The following DMD variants were observed in gnomAD, a reference collection of about 807,000 sequenced individuals.
DMD encodes the protein mutant dystrophin.
DMD carries 63 observed loss-of-function variants against 330.1 expected under a neutral mutation model. That is an observed-to-expected ratio of 0.19 (90% CI 0.16 to 0.24). The LOEUF is 0.24. Among genes scored for constraint, DMD ranks in the 10% least tolerant of loss-of-function variants. The probability of loss-of-function intolerance (pLI) is 1.00; values close to 1 mark genes in which losing one functional copy is unlikely to be tolerated. For missense variants in DMD, 3,344 were observed against 2,684.1 expected, an observed-to-expected ratio of 1.25 and a Z score of -5.43; for synonymous variants, 1,223 against 959.8, an observed-to-expected ratio of 1.27 and a Z score of -5.07.
intron 50 of DMD, among the ~76,000 whole-genome samples, chrX:31,782,488 GTCA>G (rs1487620670): frequency 9.1e-6 from 1 of 110,343 alleles, no homozygotes; most frequent in Non-Finnish European, 1.9e-5. Context: ...GCCACATGTG[GTCA>G]TCAACTACCA....
intron 63 of DMD, among the ~76,000 whole-genome samples, chrX:31,251,043 C>T (rs2049303409): frequency 9.1e-6 from 1 of 109,448 alleles, no homozygotes; most frequent in Admixed American, 9.8e-5. Context: ...AATCGCACCA[C>T]TGCACTCCAG....
At chrX:32,068,134 G>T (rs955445309) in intron 44 of DMD, among the ~76,000 whole-genome samples, 1 of 110,952 alleles carries the variant, frequency 9.0e-6, no homozygotes, top group South Asian at 3.7e-4. Context: ...CATGTTTATT[G>T]GCTGCGTGTA....
intron 41 of DMD, among the ~76,000 whole-genome samples, chrX:32,324,806 C>A (rs1367021430): frequency 8.9e-6 from 1 of 111,810 alleles, no homozygotes; most frequent in Admixed American, 9.5e-5. Flanking sequence ...TAAATTTAAT[C>A]CGTATTTTGT....
At chrX:31,992,448 A>G (rs1353100372) in intron 44 of DMD, among the ~76,000 whole-genome samples, 2 of 111,817 alleles carry the variant, frequency 1.8e-5, no homozygotes, top group Non-Finnish European at 1.9e-5. Flanking sequence ...GCACTAGATG[A>G]TGATGCTACG....
chrX:32,201,186 G>C, intron 44 of DMD, among the ~76,000 whole-genome samples: 1 of 111,965 alleles, frequency 8.9e-6, no homozygotes, highest in East Asian at 2.8e-4. Context: ...TAAATTTGGC[G>C]CAGTTAAGAG....
At chrX:32,304,933 A>T (rs922177818) in intron 42 of DMD, among the ~76,000 whole-genome samples, 9 of 111,625 alleles carry the variant, frequency 8.1e-5, no homozygotes, top group African/African-American at 2.9e-4. Flanking sequence ...TTCAAAAAGC[A>T]TTTGCAAACA....
At position 31,478,301 on chromosome X, in the gene DMD, C is replaced by T. The variant is rs372795781; in HGVS notation, c.8742G>A (p.Glu2914=). 9.1e-6 allele frequency: 11 copies of T among 1,209,561 alleles called. No individual in the cohort carries two copies. In the African/African-American group the frequency reaches 1.6e-4, roughly 17 times the overall value. The change falls in exon 59 of 79, where the codon GAG becomes GAA. Residue 2914 remains glutamate, a synonymous_variant. Coordinates refer to ENST00000357033, the MANE Select transcript of DMD (RefSeq NM_004006.3). ...LRKQAEEVNT[E]WEKLNLHSAD... is the part of the protein sequence containing the mutation. ...CGGAGTGCAGGTTCAATTTTTCCCA[C>T]TCAGTATTGACCTCCTCAGCCTGCT...
At chrX:33,308,314 G>A (rs1221698672) in intron 1 of DMD, among the ~76,000 whole-genome samples, 1 of 112,109 alleles carries the variant, frequency 8.9e-6, no homozygotes, top group Non-Finnish European at 1.9e-5. Flanking sequence ...ATTTTCCCAA[G>A]AAAGATTGCA....
chrX:32,485,617 A>G (rs922035819), intron 20 of DMD, among the ~76,000 whole-genome samples: 1 of 108,962 alleles, frequency 9.2e-6, no homozygotes, highest in Non-Finnish European at 1.9e-5. Context: ...ACACACATAT[A>G]AAATCTATAT....
At position 33,268,558 on chromosome X, in the gene DMD, A is replaced by G. The variant is rs2053089721; in HGVS notation, c.7+70701T>C. Reference sequence around the variant, plus strand: ...AACATACGAAGAAATGCTCATCATCATTAATCATCAGAGAAATGAAAAGCA... The same window carrying G: ...AACATACGAAGAAATGCTCATCATCGTTAATCATCAGAGAAATGAAAAGCA... On this transcript the variant is annotated intron_variant, in intron 1 of 17. Coordinates refer to the DMD transcript ENST00000288447. Among the ~76,000 whole-genome samples, 3 of 112,086 alleles carry G rather than the reference A, an allele frequency of 2.7e-5. No individual in the cohort carries two copies. The Admixed American group carries it at 2.9e-4, about 11-fold the overall frequency.
chrX:32,716,835 G>T (rs779946761), intron 7 of DMD, among the ~76,000 whole-genome samples: 110 of 111,753 alleles, frequency 9.8e-4, no homozygotes, highest in Non-Finnish European at 1.2e-3. Flanking sequence ...TTAACAAAAA[G>T]AGATTGGCAG....
At chrX:31,258,103 C>T in intron 63 of DMD, among the ~76,000 whole-genome samples, 1 of 112,350 alleles carries the variant, frequency 8.9e-6, no homozygotes, top group East Asian at 2.8e-4. Flanking sequence ...CTATCAATTC[C>T]TATATACGTG....
intron 1 of DMD, among the ~76,000 whole-genome samples, chrX:33,097,566 T>C (rs182079590): frequency 2.1e-4 from 23 of 109,520 alleles, no homozygotes; most frequent in African/African-American, 6.9e-4. Flanking sequence ...TTTACTGTCT[T>C]CTAACGATGT....
At chrX:32,516,138 C>A (rs1455088795) in intron 18 of DMD, among the ~76,000 whole-genome samples, 1 of 110,821 alleles carries the variant, frequency 9.0e-6, no homozygotes, top group Non-Finnish European at 1.9e-5. Context: ...ATGACACGAG[C>A]CTGCCATGAG....
chrX:33,169,921 ATC>A (rs1429264125), intron 1 of DMD, among the ~76,000 whole-genome samples: 2 of 110,610 alleles, frequency 1.8e-5, no homozygotes, highest in Non-Finnish European at 3.8e-5. Context: ...ACAGAGGAAA[ATC>A]TCTGAATAGA....
At chrX:32,348,639 AT>A (rs2097771957) in intron 37 of DMD, 111 bp from the exon 38 acceptor site, 1 of 675,840 alleles carries the variant, frequency 1.5e-6, no homozygotes. Context: ...CACATGCATT[AT>A]GTTTCCATAT....
chrX:32,371,866 G>A (rs1397210251), intron 34 of DMD, among the ~76,000 whole-genome samples: 2 of 111,305 alleles, frequency 1.8e-5, no homozygotes, highest in African/African-American at 3.3e-5. Context: ...AGATACACAC[G>A]GGTTTTCATT....
chrX:32,333,715 TC>T (rs1286530831), intron 41 of DMD, among the ~76,000 whole-genome samples: 1 of 111,389 alleles, frequency 9.0e-6, no homozygotes, highest in East Asian at 2.8e-4. Flanking sequence ...ATTTATTTAT[TC>T]CCCTTTACAG....
intron 1 of DMD, among the ~76,000 whole-genome samples, chrX:33,116,381 C>T (rs960861635): frequency 9.1e-6 from 1 of 109,622 alleles, no homozygotes; most frequent in Non-Finnish European, 1.9e-5. Context: ...TGTGGTGGAG[C>T]GCTGGTAGTC....
Sources: allele counts gnomAD v4.1 joint callset (sites outside exome capture counted in the v4.1 genomes callset), GRCh38; gene constraint gnomAD v4.1.1; transcripts MANE v1.5; gene names NCBI Gene and HGNC (gene_info 2026-07-23, HGNC 2026-07-21).